ANXA8: variants seen among roughly 807,000 people sequenced by gnomAD.
ANXA8 encodes the protein annexin A8.
In ANXA8, 9 loss-of-function variants were observed where a neutral mutation model predicts 26.8. The observed-to-expected ratio is 0.34, with a 90% confidence interval of 0.20 to 0.59. ANXA8 has a LOEUF of 0.59. Ranked by LOEUF, ANXA8 falls within the 20% of genes least tolerant of loss-of-function variation. ANXA8 has a pLI of 0.84. For missense variants in ANXA8, 83 were observed against 238.5 expected (o/e 0.35, Z 4.29); for synonymous variants, 39 against 94.8 (o/e 0.41, Z 3.42).
chr10:47,722,883 A>G, the ANXA8 span, among the ~76,000 whole-genome samples: 1 of 142,378 alleles, frequency 7.0e-6, no homozygotes, highest in South Asian at 2.2e-4. Flanking sequence ...AGGAAGCGGT[A>G]GGAATAAAAA....
the ANXA8 span, among the ~76,000 whole-genome samples, chr10:47,703,852 A>G: frequency 6.1e-5 from 9 of 147,448 alleles, 1 homozygote; most frequent in Non-Finnish European, 1.1e-4. Flanking sequence ...AAATTCTTTG[A>G]TATTATCCAT....
the ANXA8 span, chr10:47,563,633 G>C: frequency 5.6e-6 from 5 of 895,468 alleles, no homozygotes; most frequent in Admixed American, 1.7e-5. Context: ...TGTGAGTGTA[G>C]ATGAAGTAAA....
the ANXA8 span, among the ~76,000 whole-genome samples, chr10:47,618,636 TATG>T: frequency 8.7e-6 from 1 of 115,192 alleles, no homozygotes; most frequent in Non-Finnish European, 1.9e-5. Flanking sequence ...TGTAAACATT[TATG>T]ATAACTGCTC....
chr10:47,682,756 C>T, the ANXA8 span, among the ~76,000 whole-genome samples: 1 of 152,026 alleles, frequency 6.6e-6, no homozygotes, highest in Non-Finnish European at 1.5e-5. Context: ...AGGCATGACC[C>T]ACTGCACCTG....
upstream of ANXA8, among the ~76,000 whole-genome samples, chr10:47,486,806 A>T (rs1840057501): frequency 7.4e-6 from 1 of 135,570 alleles, no homozygotes; most frequent in Admixed American, 7.6e-5. Flanking sequence ...AAACAATAAA[A>T]AATAATAATA....
chr10:47,554,091 G>A, the ANXA8 span, among the ~76,000 whole-genome samples: 2 of 133,608 alleles, frequency 1.5e-5, no homozygotes, highest in South Asian at 2.5e-4. Context: ...GGGCAACATA[G>A]GGAGGCTACA....
At chr10:47,533,399 G>A in the ANXA8 span, among the ~76,000 whole-genome samples, 3 of 151,800 alleles carry the variant, frequency 2.0e-5, no homozygotes, top group East Asian at 3.9e-4. Flanking sequence ...ACCCTGTGAT[G>A]TGGGAGCTGG....
chr10:47,648,515 G>A, the ANXA8 span, among the ~76,000 whole-genome samples: 1 of 144,390 alleles, frequency 6.9e-6, no homozygotes, highest in African/African-American at 2.8e-5. Context: ...CACCATGTGA[G>A]AACAATGGAC....
the ANXA8 span, chr10:47,692,690 T>C: frequency 7.4e-6 from 1 of 135,092 alleles, no homozygotes; most frequent in Non-Finnish European, 1.6e-5. Context: ...GTCTCCCAAG[T>C]AGCCAGGACT....
At chr10:47,549,867 AC>A in the ANXA8 span, among the ~76,000 whole-genome samples, 191 of 143,014 alleles carry the variant, frequency 1.3e-3, no homozygotes, top group African/African-American at 4.9e-3. Flanking sequence ...ACCTTGGGAG[AC>A]CAGGGCAGGT....
chr10:47,986,586 C>G, the ANXA8 span: 1 of 357,956 alleles, frequency 2.8e-6, no homozygotes, highest in South Asian at 2.1e-5. Context: ...CCACAGGGGC[C>G]AGTGCAGTTG....
At chr10:47,743,405 T>TGTGA in the ANXA8 span, among the ~76,000 whole-genome samples, 509 of 83,466 alleles carry the variant, frequency 6.1e-3, 11 homozygotes, top group Admixed American at 0.036. Flanking sequence ...TGTGTGTGTG[T>TGTGA]GAGAGAGAGA....
the ANXA8 span, among the ~76,000 whole-genome samples, chr10:47,593,464 A>C: frequency 6.7e-6 from 1 of 149,814 alleles, no homozygotes; most frequent in Admixed American, 6.6e-5. Flanking sequence ...GCACTGAAAG[A>C]AGTTGTTTCT....
At chr10:47,639,397 T>A in the ANXA8 span, among the ~76,000 whole-genome samples, 1 of 138,152 alleles carries the variant, frequency 7.2e-6, no homozygotes, top group African/African-American at 2.7e-5. Flanking sequence ...ACTGCAAGCT[T>A]CGCCTCCCGG....
chr10:47,550,935 A>G, the ANXA8 span: 1 of 148,466 alleles, frequency 6.7e-6, no homozygotes, highest in East Asian at 2.3e-4. Context: ...TTTTTTTAGT[A>G]TAATTACAGA....
the ANXA8 span, chr10:47,753,252 A>G: frequency 1.6e-6 from 1 of 619,592 alleles, no homozygotes; most frequent in Non-Finnish European, 1.9e-6. Context: ...TACCTGTTAC[A>G]GTAACTGTGA....
chr10:47,493,845 GGC>G, the ANXA8 span, among the ~76,000 whole-genome samples: 1 of 143,052 alleles, frequency 7.0e-6, no homozygotes, highest in Non-Finnish European at 1.5e-5. Flanking sequence ...TGGCCTTCTG[GGC>G]GAGGCTGGGT....
At chr10:47,558,291 G>A in the ANXA8 span, among the ~76,000 whole-genome samples, 2 of 151,886 alleles carry the variant, frequency 1.3e-5, no homozygotes, top group African/African-American at 4.8e-5. Context: ...CTGGTGAGCT[G>A]GATGCACAGA....
At chr10:47,759,787 CCAGCAGCCGCT>C in the ANXA8 span, 1 of 1,418,094 alleles carries the variant, frequency 7.1e-7, no homozygotes, top group South Asian at 1.2e-5. Flanking sequence ...ATCAAGCCCA[CCAGCAGCCGCT>C]CAGCCTCCTG....
Sources: gnomAD v4.1 joint callset for allele counts (sites outside exome capture counted in the v4.1 genomes callset) on GRCh38, gnomAD v4.1.1 for gene constraint, MANE v1.5 for transcripts, NCBI Gene and HGNC (gene_info 2026-07-23, HGNC 2026-07-21) for gene names.